Variants in DBX2 observed in about 807,000 individuals in gnomAD.
The protein encoded by DBX2 is homeobox protein DBX2.
Under a neutral mutation model 17.7 loss-of-function variants are expected in DBX2, and 16 were observed. The ratio of observed to expected loss-of-function variants is 0.90; its 90% CI spans 0.61 to 1.37. The LOEUF (loss-of-function observed/expected upper bound fraction) is 1.37, where lower values mean the gene tolerates loss of function less well. DBX2 is among the 40% of genes most tolerant of loss of function. DBX2 has a pLI of 0.00. For missense variants in DBX2, 538 were observed against 433.8 expected (o/e 1.24, Z -2.13); for synonymous variants, 255 against 183.8 (o/e 1.39, Z -3.13).
At chr12:45,026,545 A>G (rs565527834) in intron 2 of DBX2, among the ~76,000 whole-genome samples, 5 of 152,372 alleles carry the variant, frequency 3.3e-5, no homozygotes, top group African/African-American at 1.2e-4. Flanking sequence ...CCCAGGAGAC[A>G]GATACCACAA....
intron 2 of DBX2, among the ~76,000 whole-genome samples, chr12:45,025,285 T>C (rs1403140617): frequency 6.6e-6 from 1 of 152,082 alleles, no homozygotes; most frequent in Non-Finnish European, 1.5e-5. Context: ...CTTTCTTGCT[T>C]TGAGGTTGGA....
chr12:45,022,298 G>GTTTTTTTTTTTTTTTTTTTTTTTTTTTTT (rs745546411), intron 3 of DBX2, among the ~76,000 whole-genome samples: 1 of 82,518 alleles, frequency 1.2e-5, no homozygotes, highest in Non-Finnish European at 2.1e-5. Context: ...AATAATAACT[G>GTTTTTTTTTTTTTTTTTTTTTTTTTTTTT]TTTTTTTTTT....
At position 45,028,476 on chromosome 12, in the gene DBX2, T is replaced by C. The variant is rs148090081; in HGVS notation, c.500-4582A>G. 2.0e-5 allele frequency among the ~76,000 whole-genome samples: 3 copies of C among 152,314 alleles called. No homozygotes were observed. In the East Asian group the frequency reaches 5.8e-4, roughly 29 times the overall value. On this transcript the variant is annotated intron_variant, in intron 2 of 3. Coordinates refer to ENST00000332700, the MANE Select transcript of DBX2 (RefSeq NM_001004329.3). ...TCATTTTGGCTCTTCTTCACCAAGA[T>C]CTACATGTTAAAATAAAATAGCGGG...
chr12:45,035,986 C>T, intron 2 of DBX2, 33 bp downstream of exon 2: 1 of 1,587,786 alleles, frequency 6.3e-7, no homozygotes. Flanking sequence ...TACAGAATAA[C>T]TGAGGCATTG....
At chr12:45,044,100 C>T (rs998137231) in intron 1 of DBX2, among the ~76,000 whole-genome samples, 3 of 136,888 alleles carry the variant, frequency 2.2e-5, no homozygotes, top group Non-Finnish European at 5.2e-5. Flanking sequence ...TTATAAAAAG[C>T]AAGATAGTAA....
chr12:45,016,173 T>C lies in DBX2; in HGVS notation c.*113A>G. The C allele has an allele frequency of 8.6e-7, 1 of 1,162,050 alleles. No homozygotes were observed. The highest frequency in any genetic ancestry group is 1.2e-6 in the Non-Finnish European group (1 of 850,074). The allele number at this position is 1,162,050 out of a possible 1,614,324, so 72.0% of individuals were successfully genotyped here. Reference sequence around the variant, plus strand: ...GTTTCCTAAAGCATTAGTTCATACATCGCTCCAAAGTTGTTAGGCTCTAAG... The same window carrying C: ...GTTTCCTAAAGCATTAGTTCATACACCGCTCCAAAGTTGTTAGGCTCTAAG... On this transcript the variant is annotated 3_prime_UTR_variant, in exon 4 of 4. Coordinates refer to ENST00000332700, the MANE Select transcript of DBX2 (RefSeq NM_001004329.3).
chr12:45,033,371 C>T (rs1181528324), intron 2 of DBX2, among the ~76,000 whole-genome samples: 1 of 152,028 alleles, frequency 6.6e-6, no homozygotes, highest in Non-Finnish European at 1.5e-5. Context: ...AAACTTAATG[C>T]AAGTTTATTT....
At chr12:45,027,527 C>G (rs1592752927) in intron 2 of DBX2, among the ~76,000 whole-genome samples, 1 of 152,156 alleles carries the variant, frequency 6.6e-6, no homozygotes, top group Non-Finnish European at 1.5e-5. Flanking sequence ...TATGTAAATT[C>G]ACTTGGTAAA....
intron 2 of DBX2, among the ~76,000 whole-genome samples, chr12:45,033,596 G>A (rs985623234): frequency 2.0e-5 from 3 of 152,034 alleles, no homozygotes; most frequent in African/African-American, 7.2e-5. Context: ...ATTCTACCAT[G>A]TTATTATTTG....
At chr12:45,029,719 C>A (rs554310403) in intron 2 of DBX2, among the ~76,000 whole-genome samples, 1 of 151,748 alleles carries the variant, frequency 6.6e-6, no homozygotes, top group African/African-American at 2.4e-5. Context: ...CAAAATTAGC[C>A]AGGTGTGGCG....
Position 45,050,682 on chromosome 12 carries a change from G to T in DBX2, c.246C>A (p.Pro82=). The T allele has an allele frequency of 6.5e-7, 1 of 1,545,020 alleles. No individual in the cohort carries two copies. Among genetic ancestry groups the T allele is most frequent in the East Asian group, 2.5e-5 (1 of 40,278 alleles). ...GTTCGGCTGCGGGGCACAGCTTTAG[G>T]GGAACTGGGCTAGCAGGCAGGGGCC... ...QLRPLPASPV[P]LKLCPAAEQV... The change falls in exon 1 of 4, where the codon CCC becomes CCA. Residue 82 remains proline, a synonymous_variant. Transcript: ENST00000332700.
chr12:45,033,540 C>T (rs1946420670), intron 2 of DBX2, among the ~76,000 whole-genome samples: 1 of 152,012 alleles, frequency 6.6e-6, no homozygotes, highest in South Asian at 2.1e-4. Flanking sequence ...ATTAACTGTA[C>T]CTTGGTATCC....
At chr12:45,031,837 C>T (rs901487768) in intron 2 of DBX2, among the ~76,000 whole-genome samples, 2 of 152,140 alleles carry the variant, frequency 1.3e-5, no homozygotes, top group Admixed American at 6.5e-5. Context: ...GTACGCTTTC[C>T]TGCTTTGTTC....
rs573763411 is a variant in DBX2, at chr12:45,022,343, G to T, written c.687+1364C>A. Among the ~76,000 whole-genome samples the T allele has an allele frequency of 3.5e-5, 4 of 115,584 alleles. No homozygotes were observed. In the South Asian group the frequency reaches 1.2e-3, roughly 36 times the overall value. The allele number at this position is 115,584 out of a possible 152,430, so 75.8% of individuals were successfully genotyped here. A position where few individuals can be genotyped will look rare whatever the true frequency, so the allele number is the denominator to read the frequency against. ...TTTTGAGATGGAGTCTTGCACTGTC[G>T]CCCAGGCTGGAGCGCAATGGCATGA... On this transcript the variant is annotated intron_variant, in intron 3 of 3. Coordinates refer to ENST00000332700, the MANE Select transcript of DBX2 (RefSeq NM_001004329.3).
intron 2 of DBX2, among the ~76,000 whole-genome samples, chr12:45,025,518 T>C (rs1946376716): frequency 6.6e-6 from 1 of 151,744 alleles, no homozygotes; most frequent in Non-Finnish European, 1.5e-5. Context: ...AGAAAACTAA[T>C]ACACTGGGTA....
At chr12:45,048,149 C>T (rs1946509764) in intron 1 of DBX2, among the ~76,000 whole-genome samples, 1 of 151,960 alleles carries the variant, frequency 6.6e-6, no homozygotes, top group Non-Finnish European at 1.5e-5. Flanking sequence ...AATAATGAAA[C>T]CAAAATGCAT....
intron 2 of DBX2, among the ~76,000 whole-genome samples, chr12:45,024,344 T>C (rs1416803836): frequency 1.3e-5 from 2 of 152,202 alleles, no homozygotes; most frequent in Non-Finnish European, 2.9e-5. Context: ...CCTCTTTCTT[T>C]TATAAACTAC....
At chr12:45,042,417 T>C (rs902732607) in intron 1 of DBX2, among the ~76,000 whole-genome samples, 2 of 152,128 alleles carry the variant, frequency 1.3e-5, no homozygotes, top group Non-Finnish European at 2.9e-5. Context: ...AAGAAGAGAA[T>C]GAAACCATTC....
rs533310105 is a variant in DBX2 at position 45,042,187 on chromosome 12, T to C, written c.404-6073A>G. Among the ~76,000 whole-genome samples, 3 of 152,260 alleles carry C rather than the reference T, an allele frequency of 2.0e-5. No homozygotes were observed. The East Asian group carries it at 5.8e-4, about 29-fold the overall frequency. On this transcript the variant is annotated intron_variant, in intron 1 of 3. Transcript: ENST00000332700. ...AGAACATAAAACAACACCTGACACA[T>C]TGTAGACATTCAATAAATGTTAGCC...
Sources: allele counts gnomAD v4.1 joint callset (sites outside exome capture counted in the v4.1 genomes callset), GRCh38; gene constraint gnomAD v4.1.1; transcripts MANE v1.5; gene names NCBI Gene and HGNC (gene_info 2026-07-23, HGNC 2026-07-21).